The following IRF4 variants were observed in gnomAD, a reference collection of about 807,000 sequenced individuals.
IRF4 encodes the protein interferon regulatory factor 4.
Under a neutral mutation model 55.5 loss-of-function variants are expected in IRF4, and 13 were observed. That is an observed-to-expected ratio of 0.23 (90% CI 0.15 to 0.37). The LOEUF (loss-of-function observed/expected upper bound fraction) is 0.37. Ranked by LOEUF, IRF4 falls within the 10% of genes least tolerant of loss-of-function variation. The pLI is 1.00. For missense variants in IRF4, 397 were observed against 593.8 expected, an observed-to-expected ratio of 0.67 and a Z score of 3.44; for synonymous variants, 249 against 240.7, an observed-to-expected ratio of 1.03 and a Z score of -0.32.
Position 407,602 on chromosome 6 carries a change from A to T in IRF4, c.*4A>T. On this transcript the variant is annotated 3_prime_UTR_variant, in exon 9 of 9. Coordinates refer to ENST00000380956, the MANE Select transcript of IRF4 (RefSeq NM_002460.4). ...CCATTCCTCTATTCAAGAATGAAAA[A>T]TGTCAAGATGAGTGGTTTTCTTTTT... is the stretch of plus-strand genomic sequence containing the variant. 6.3e-7 allele frequency: 1 copy of T among 1,586,472 alleles called. No individual in the cohort carries two copies. Among genetic ancestry groups the T allele is most frequent in the Non-Finnish European group, 8.6e-7 (1 of 1,169,492 alleles).
chr6:395,001 A>G lies in IRF4; in HGVS notation c.397A>G (p.Lys133Glu). 6.3e-7 allele frequency: 1 copy of G among 1,586,020 alleles called. No homozygotes were observed. The highest frequency in any genetic ancestry group is 8.6e-7 in the Non-Finnish European group (1 of 1,165,752). The change falls in exon 3 of 9, where the codon AAA becomes GAA. Residue 133 changes from lysine to glutamate, a missense_variant. Physicochemically the swap from Lys to Glu is moderately conservative, Grantham distance 56. Coordinates refer to ENST00000380956, the MANE Select transcript of IRF4 (RefSeq NM_002460.4). ...GTACAGGATTGTTCCTGAGGGAGCC[A>G]AAAAAGGTAGGGGCTCTCCTGAATT... Reference protein sequence around the residue: ...KVYRIVPEGAKKGAKQLTLED... With the variant: ...KVYRIVPEGAEKGAKQLTLED...
chr6:396,435 G>A (rs2127437668), intron 4 of IRF4, among the ~76,000 whole-genome samples: 1 of 152,334 alleles, frequency 6.6e-6, no homozygotes, highest in African/African-American at 2.4e-5. Flanking sequence ...TTTTCACTTA[G>A]TCTGATGAAG....
intron 7 of IRF4, among the ~76,000 whole-genome samples, chr6:404,721 A>G (rs1761499462): frequency 6.6e-6 from 1 of 152,236 alleles, no homozygotes; most frequent in East Asian, 1.9e-4. Context: ...ACTGTGGTCT[A>G]CTACCTTTTG....
Position 393,132 on chromosome 6 carries a change from G to A in IRF4, c.-21G>A, listed in dbSNP as rs1442075349. 3 of 1,545,446 alleles carry A rather than the reference G, an allele frequency of 1.9e-6. No individual in the cohort carries two copies. Among genetic ancestry groups the A allele is most frequent in the Non-Finnish European group, 8.7e-7 (1 of 1,144,254 alleles). On this transcript the variant is annotated 5_prime_UTR_variant, in exon 2 of 9. Coordinates refer to ENST00000380956, the MANE Select transcript of IRF4 (RefSeq NM_002460.4). The surrounding 1 kb of genome is among the most constrained non-coding windows in gnomAD (Gnocchi z 5.4). ...GAGCGGGCGGAGGACCCCGGGCGCG[G>A]GCGCGGACGGCACGCGGGGCATGAA...
At chr6:392,875 G>A (rs561136601) in intron 1 of IRF4, among the ~76,000 whole-genome samples, 1 of 152,264 alleles carries the variant, frequency 6.6e-6, no homozygotes, top group Admixed American at 6.5e-5. Flanking sequence ...GAGCCTTCGC[G>A]GGGGCCGAGC....
intron 8 of IRF4, chr6:406,925 A>G: frequency 9.6e-7 from 1 of 1,037,390 alleles, no homozygotes; most frequent in Non-Finnish European, 1.2e-6. Context: ...GCTAATAACC[A>G]GACAGTATAA....
At chr6:403,910 G>A (rs189483096) in intron 7 of IRF4, among the ~76,000 whole-genome samples, 2 of 151,846 alleles carry the variant, frequency 1.3e-5, no homozygotes, top group East Asian at 1.9e-4. Flanking sequence ...CAGTGTGAAT[G>A]TATTTTACAG....
chr6:401,400 G>A, intron 6 of IRF4, 24 bp from the exon 7 acceptor site: 11 of 1,587,478 alleles, frequency 6.9e-6, no homozygotes, highest in Non-Finnish European at 7.7e-6. Flanking sequence ...CCCCAGCACT[G>A]ACTCCGGAGC....
chr6:398,079 T>C (rs960049460), intron 5 of IRF4, among the ~76,000 whole-genome samples: 1 of 152,242 alleles, frequency 6.6e-6, no homozygotes, highest in African/African-American at 2.4e-5. Flanking sequence ...AGCTCAGAAT[T>C]CAGTTGCATT....
At chr6:394,623 CCTGT>C (rs1279988526) in intron 2 of IRF4, among the ~76,000 whole-genome samples, 194 bp from the exon 3 acceptor site, 1 of 152,146 alleles carries the variant, frequency 6.6e-6, no homozygotes, top group Non-Finnish European at 1.5e-5. Flanking sequence ...GTGGTGAACA[CCTGT>C]AGGCCGAGGG....
In IRF4 at chr6:408,315, C is replaced by T. The variant is rs959815422; in HGVS notation, c.*717C>T. The T allele has an allele frequency of 5.2e-5, 12 of 232,002 alleles. No homozygotes were observed. Among genetic ancestry groups the T allele is most frequent in the Non-Finnish European group, 7.7e-5 (9 of 117,130 alleles). 14.4% of individuals were successfully genotyped at this position (232,002 alleles called of 1,614,324 possible). On this transcript the variant is annotated 3_prime_UTR_variant, in exon 9 of 9. Transcript: ENST00000380956. ...AAGGAAATGAATCTTTGACTGAAGC[C>T]GTGCCTGTAGCCTTGGGGAGGCCCA...
intron 1 of IRF4, 48 bp downstream of exon 1, chr6:391,857 A>C (rs1416097334): frequency 2.2e-6 from 1 of 454,758 alleles, no homozygotes; most frequent in Non-Finnish European, 4.4e-6. Flanking sequence ...CTGATACCAG[A>C]GAGGACCCGG....
chr6:395,695 C>T (rs1761232916), intron 3 of IRF4, 152 bp from the exon 4 acceptor site: 1 of 646,542 alleles, frequency 1.5e-6, no homozygotes, highest in Non-Finnish European at 2.7e-6. Context: ...AAAATAACTT[C>T]CCAAGGGAGT....
chr6:404,152 T>C (rs890795063), intron 7 of IRF4, among the ~76,000 whole-genome samples: 1 of 152,230 alleles, frequency 6.6e-6, no homozygotes, highest in Admixed American at 6.5e-5. Flanking sequence ...TAGCGGCTCC[T>C]GTGTCAACTC....
At chr6:404,707 C>T (rs577365076) in intron 7 of IRF4, among the ~76,000 whole-genome samples, 1 of 152,368 alleles carries the variant, frequency 6.6e-6, no homozygotes, top group East Asian at 1.9e-4. Flanking sequence ...TATCTCCCGA[C>T]TTCACTGTGG....
intron 7 of IRF4, among the ~76,000 whole-genome samples, chr6:402,513 TC>T (rs1391743249): frequency 6.6e-6 from 1 of 152,210 alleles, no homozygotes; most frequent in Non-Finnish European, 1.5e-5. Flanking sequence ...CCCAGTCCTG[TC>T]CCTTCCTGAG....
intron 1 of IRF4, among the ~76,000 whole-genome samples, chr6:392,064 G>A (rs1399936467): frequency 6.6e-6 from 1 of 152,242 alleles, no homozygotes; most frequent in Non-Finnish European, 1.5e-5. Context: ...CTGCGACGGG[G>A]TCGCCACAAG....
rs12203592 is a variant in IRF4, at chr6:396,321, C to T, written c.492+386C>T. Reference sequence around the variant, plus strand: ...ATCCACTTTGGTGGGTAAAAGAAGGCAAATTCCCCTGTGGTACTTTTGGTG... The same window carrying T: ...ATCCACTTTGGTGGGTAAAAGAAGGTAAATTCCCCTGTGGTACTTTTGGTG... On this transcript the variant is annotated intron_variant, in intron 4 of 8. Coordinates refer to ENST00000380956, the MANE Select transcript of IRF4 (RefSeq NM_002460.4). 0.1 allele frequency among the ~76,000 whole-genome samples: 15,277 copies of T among 152,306 alleles called. 1,331 individuals are homozygous for T. Among genetic ancestry groups the T allele is most frequent in the Non-Finnish European group, 0.17 (11,449 of 68,012 alleles).
At chr6:394,474 A>G (rs1195818948) in intron 2 of IRF4, among the ~76,000 whole-genome samples, 3 of 152,224 alleles carry the variant, frequency 2.0e-5, no homozygotes, top group Non-Finnish European at 4.4e-5. Flanking sequence ...CTTATAAAAT[A>G]TCTGTATTTT....
Sources: gnomAD v4.1 joint callset for allele counts (sites outside exome capture counted in the v4.1 genomes callset) on GRCh38, gnomAD v4.1.1 for gene constraint, Gnocchi (gnomAD v3.1) non-coding constraint, MANE v1.5 for transcripts, NCBI Gene and HGNC (gene_info 2026-07-23, HGNC 2026-07-21) for gene names.